Variants in CASK observed in about 807,000 individuals in gnomAD.
CASK encodes the protein peripheral plasma membrane protein CASK.
In CASK, 4 loss-of-function variants were observed where a neutral mutation model predicts 82.9. The ratio of observed to expected loss-of-function variants is 0.05; its 90% CI spans 0.02 to 0.11. CASK has a LOEUF of 0.11. Among genes scored for constraint, CASK ranks in the 10% least tolerant of loss-of-function variants. CASK has a pLI of 1.00. For missense variants in CASK, 358 were observed against 720.9 expected (o/e 0.50, Z 5.76); for synonymous variants, 259 against 253.5 (o/e 1.02, Z -0.20).
chrX:41,883,626 A>AT (rs1400334701), intron 1 of CASK, among the ~76,000 whole-genome samples: 2 of 111,445 alleles, frequency 1.8e-5, no homozygotes, highest in Non-Finnish European at 3.8e-5. Flanking sequence ...AAATATCGAC[A>AT]TTTTTTGACG....
At chrX:41,890,223 T>TGTGC (rs2072138444) in intron 1 of CASK, among the ~76,000 whole-genome samples, 3 of 24,608 alleles carry the variant, frequency 1.2e-4, no homozygotes, top group Non-Finnish European at 1.9e-4. Flanking sequence ...CATGCGTGTG[T>TGTGC]GTGTGTGTGT....
Position 41,703,902 on chromosome X carries a change from T to C in CASK, c.430-32372A>G, listed in dbSNP as rs750690123. On this transcript the variant is annotated intron_variant, in intron 5 of 26. Transcript: ENST00000378163. ...CTAATTTTTGCCAATCTGGTAGGTATGAAATGGTATCTCATTGTGGTTTTA... is the reference window on the plus strand; with the variant it reads ...CTAATTTTTGCCAATCTGGTAGGTACGAAATGGTATCTCATTGTGGTTTTA... Among the ~76,000 whole-genome samples, 8 of 111,919 alleles carry C rather than the reference T, an allele frequency of 7.1e-5. No homozygotes were observed. The South Asian group carries it at 2.6e-3, about 37-fold the overall frequency.
At chrX:41,604,022 G>T (rs2065927882) in intron 12 of CASK, among the ~76,000 whole-genome samples, 1 of 110,581 alleles carries the variant, frequency 9.0e-6, no homozygotes, top group South Asian at 3.8e-4. Flanking sequence ...ACCTTCCAAT[G>T]TATCACATAC....
At chrX:41,724,332 C>T (rs1362032597) in intron 5 of CASK, 4 of 112,592 alleles carry the variant, frequency 3.6e-5, no homozygotes, top group South Asian at 3.6e-4. Flanking sequence ...AAATTAAACT[C>T]TATAAAAATA....
chrX:41,757,668 A>T (rs7066586), intron 3 of CASK, among the ~76,000 whole-genome samples: 7,561 of 111,542 alleles, frequency 0.068, 636 homozygotes, highest in African/African-American at 0.24. Context: ...TAGTGCTACC[A>T]TGTCTGGCTA....
chrX:41,620,841 A>G (rs2066277851), intron 11 of CASK, among the ~76,000 whole-genome samples: 1 of 112,512 alleles, frequency 8.9e-6, no homozygotes, highest in Non-Finnish European at 1.9e-5. Flanking sequence ...TAGATTCTCC[A>G]TATGTGGATT....
chrX:41,594,192 G>A (rs1036273731), intron 12 of CASK, among the ~76,000 whole-genome samples: 6 of 112,367 alleles, frequency 5.3e-5, no homozygotes, highest in African/African-American at 1.9e-4. Context: ...CTTGCTGAAA[G>A]GCAGTCAAAA....
chrX:41,698,609 C>T (rs1193848932), intron 5 of CASK, among the ~76,000 whole-genome samples: 1 of 111,573 alleles, frequency 9.0e-6, no homozygotes, highest in South Asian at 3.7e-4. Flanking sequence ...CTGTATAGAA[C>T]ACCATACAGT....
intron 2 of CASK, among the ~76,000 whole-genome samples, chrX:41,806,122 G>T (rs1043670415): frequency 1.9e-4 from 21 of 111,742 alleles, no homozygotes; most frequent in African/African-American, 3.3e-5. Context: ...ATAATGGTTG[G>T]AGTAATATTG....
At chrX:41,607,288 A>G (rs2147273028) in intron 12 of CASK, among the ~76,000 whole-genome samples, 1 of 112,236 alleles carries the variant, frequency 8.9e-6, no homozygotes, top group East Asian at 2.8e-4. Context: ...TGATGTGCTC[A>G]GATACCTTGC....
At chrX:41,724,553 A>T (rs974174503) in intron 5 of CASK, among the ~76,000 whole-genome samples, 3 of 112,308 alleles carry the variant, frequency 2.7e-5, no homozygotes, top group African/African-American at 9.7e-5. Flanking sequence ...TCTGGAGACC[A>T]GTTTTGCATC....
intron 3 of CASK, among the ~76,000 whole-genome samples, chrX:41,773,256 C>T (rs1482415137): frequency 1.9e-5 from 2 of 107,501 alleles, no homozygotes; most frequent in Non-Finnish European, 3.8e-5. Flanking sequence ...CCTGTGGTTC[C>T]AGCTACTCAG....
At chrX:41,830,849 T>C (rs1601880340) in intron 2 of CASK, among the ~76,000 whole-genome samples, 1 of 105,394 alleles carries the variant, frequency 9.5e-6, no homozygotes, top group African/African-American at 3.5e-5. Context: ...AAAGAAGTGA[T>C]AGATAAACAT....
At chrX:41,586,885 T>C (rs2065665226) in intron 14 of CASK, 22 bp downstream of exon 14, 1 of 1,008,011 alleles carries the variant, frequency 9.9e-7, no homozygotes, top group South Asian at 1.9e-5. Context: ...TTCAGTTCTA[T>C]GGAAGTTTAA....
At position 41,524,103 on chromosome X, in the gene CASK, T is replaced by C; in HGVS notation, c.2521-69A>G. 4 of 824,339 alleles carry C rather than the reference T, an allele frequency of 4.9e-6. No homozygotes were observed. In the South Asian group the frequency reaches 9.5e-5, roughly 20 times the overall value. The allele number at this position is 824,339 out of a possible 1,213,427, so 67.9% of individuals were successfully genotyped here. A position where few individuals can be genotyped will look rare whatever the true frequency, so the allele number is the denominator to read the frequency against. ...ATAACTAATGTAACTTTCAAATGAGTCTATAAAAATTTTTATACAACTGAA... is the reference window on the plus strand; with the variant it reads ...ATAACTAATGTAACTTTCAAATGAGCCTATAAAAATTTTTATACAACTGAA... On this transcript the variant is annotated intron_variant, in intron 25 of 26. Transcript: ENST00000378163.
chrX:41,787,015 C>T, intron 3 of CASK, 163 bp downstream of exon 3: 3 of 462,737 alleles, frequency 6.5e-6, no homozygotes, highest in Non-Finnish European at 1.2e-5. Flanking sequence ...TCCTTTGCCA[C>T]TGTAAACCTT....
chrX:41,820,378 C>A (rs1311526555), intron 2 of CASK, among the ~76,000 whole-genome samples: 1 of 110,844 alleles, frequency 9.0e-6, no homozygotes, highest in Non-Finnish European at 1.9e-5. Flanking sequence ...TATCAATAAT[C>A]ATTAAATTAA....
At chrX:41,532,044 T>A (rs747380562) in intron 24 of CASK, among the ~76,000 whole-genome samples, 6 of 111,827 alleles carry the variant, frequency 5.4e-5, no homozygotes, top group Non-Finnish European at 9.4e-5. Flanking sequence ...AAGAGATTCT[T>A]GTGCCCTCAG....
At chrX:41,770,587 C>T (rs1448947170) in intron 3 of CASK, among the ~76,000 whole-genome samples, 1 of 110,518 alleles carries the variant, frequency 9.0e-6, no homozygotes, top group African/African-American at 3.3e-5. Flanking sequence ...CGAGATTTCA[C>T]CATGTTGGCC....
Sources: allele counts gnomAD v4.1 joint callset (sites outside exome capture counted in the v4.1 genomes callset), GRCh38; gene constraint gnomAD v4.1.1; transcripts MANE v1.5; gene names NCBI Gene and HGNC (gene_info 2026-07-23, HGNC 2026-07-21).